The following TTC29 variants were observed in gnomAD, a reference collection of about 807,000 sequenced individuals.
The protein encoded by TTC29 is tetratricopeptide repeat protein 29.
TTC29 carries 49 observed loss-of-function variants against 58.1 expected under a neutral mutation model. The observed-to-expected ratio is 0.84, with a 90% CI of 0.67 to 1.07. The LOEUF (loss-of-function observed/expected upper bound fraction) is 1.07. TTC29 is among the 50% of genes least tolerant of loss of function. The pLI is 0.00. For missense variants in TTC29, 582 were observed against 555.6 expected (o/e 1.05, Z -0.48); for synonymous variants, 209 against 196.8 (o/e 1.06, Z -0.52).
Position 146,867,529 on chromosome 4 carries a change from A to T in TTC29, c.854T>A (p.Leu285Ter). The T allele has an allele frequency of 1.9e-6, 3 of 1,553,594 alleles. No homozygotes were observed. The highest frequency in any genetic ancestry group is 2.6e-6 in the Non-Finnish European group (3 of 1,148,080). ...TGCTGTTTCATATTCCTCAGCAGCT[A>T]AGTGTGCTAAGCCCAAGTAGTAAGA... The part of the protein sequence containing the change: ...EASYYLGLAH[L>*]AAEEYETALT... The change falls in exon 8 of 13, where the codon TTA becomes TAA. Residue 285 changes from leucine to a stop codon, truncating the protein, a stop_gained. Transcript: ENST00000325106. LOFTEE classifies it high-confidence loss of function.
intron 11 of TTC29, among the ~76,000 whole-genome samples, chr4:146,728,858 C>CATATATATATGTATATATAT (rs1344862897): frequency 4.9e-5 from 2 of 41,190 alleles, no homozygotes; most frequent in Non-Finnish European, 1.2e-4. Context: ...TATATATATA[C>CATATATATATGTATATATAT]ACATATATAT....
rs556842928 is a variant in TTC29 at position 146,851,175 on chromosome 4, T to C, written c.885+16323A>G. On this transcript the variant is annotated intron_variant, in intron 8 of 12. Transcript: ENST00000325106. The stretch of plus-strand genomic sequence containing the variant: ...TAACATTTATTGAGGAAGTAGCATA[T>C]GCCAGACATAGGTCTAAGTGCTTTC... Among the ~76,000 whole-genome samples, 261 of 152,350 alleles carry C rather than the reference T, an allele frequency of 1.7e-3. 2 individuals carry two copies. Among genetic ancestry groups the C allele is most frequent in the Middle Eastern group, 3.4e-3 (1 of 294 alleles).
chr4:146,937,544 G>T, intron 4 of TTC29, 50 bp downstream of exon 4: 3 of 1,194,024 alleles, frequency 2.5e-6, no homozygotes, highest in South Asian at 1.5e-5. Context: ...AAAGAATCAA[G>T]ACAAAAGAAA....
chr4:146,889,750 G>A (rs558394389), intron 6 of TTC29, among the ~76,000 whole-genome samples: 25 of 151,758 alleles, frequency 1.6e-4, no homozygotes, highest in African/African-American at 5.8e-4. Flanking sequence ...TACCTTTTTT[G>A]GAGAACTGAA....
At chr4:146,931,286 GAT>G (rs1735319771) in intron 4 of TTC29, among the ~76,000 whole-genome samples, 1 of 151,986 alleles carries the variant, frequency 6.6e-6, no homozygotes, top group Non-Finnish European at 1.5e-5. Context: ...CGAAGCAAAA[GAT>G]ATAACTATAC....
In TTC29 at chr4:146,867,560, C is replaced by A; in HGVS notation, c.823G>T (p.Glu275Ter). The stretch of plus-strand genomic sequence containing the variant: ...GCTAAGCCCAAGTAGTAAGAGGCTT[C>A]CGCTTCCATCTTTTTGTCACTTCCT... ...KEGSDKKMEAEASYYLGLAHL... is the reference protein window; with the variant it reads ...KEGSDKKMEA The change falls in exon 8 of 13, where the codon GAA becomes TAA. Residue 275 changes from glutamate to a stop codon, truncating the protein, a stop_gained. Coordinates refer to ENST00000325106, the MANE Select transcript of TTC29 (RefSeq NM_031956.4). LOFTEE classifies it high-confidence loss of function. 2 of 1,535,412 alleles carry A rather than the reference C, an allele frequency of 1.3e-6. No homozygotes were observed. The highest frequency in any genetic ancestry group is 2.0e-5 in the Admixed American group (1 of 50,922).
At chr4:146,906,663 T>C (rs1271086226) in intron 5 of TTC29, among the ~76,000 whole-genome samples, 3 of 152,198 alleles carry the variant, frequency 2.0e-5, no homozygotes, top group Non-Finnish European at 4.4e-5. Context: ...GAAAAAAAAT[T>C]ATAACAATTT....
At chr4:146,937,333 T>C (rs1238650815) in intron 4 of TTC29, among the ~76,000 whole-genome samples, 4 of 152,054 alleles carry the variant, frequency 2.6e-5, no homozygotes, top group Admixed American at 6.5e-5. Context: ...AAGCAATTAA[T>C]AGCACAGACT....
At chr4:146,817,135 T>C (rs1443009865) in intron 10 of TTC29, among the ~76,000 whole-genome samples, 1 of 152,146 alleles carries the variant, frequency 6.6e-6, no homozygotes, top group African/African-American at 2.4e-5. Context: ...AAAGAGGAAG[T>C]CAAATTGTCT....
At chr4:146,751,648 A>T (rs1211072044) in intron 11 of TTC29, among the ~76,000 whole-genome samples, 1 of 152,230 alleles carries the variant, frequency 6.6e-6, no homozygotes, top group African/African-American at 2.4e-5. Flanking sequence ...CCAAAAACAG[A>T]CAAATGAAAA....
At chr4:146,806,841 T>C (rs1308690242) in intron 10 of TTC29, among the ~76,000 whole-genome samples, 3 of 151,696 alleles carry the variant, frequency 2.0e-5, no homozygotes. Flanking sequence ...AGACAGAAAA[T>C]TAACAAAGAT....
intron 2 of TTC29, among the ~76,000 whole-genome samples, chr4:146,941,993 G>T (rs914962602): frequency 1.3e-5 from 2 of 152,342 alleles, no homozygotes; most frequent in East Asian, 1.9e-4. Context: ...CATGGTGGAG[G>T]TAGGGGTGCA....
At chr4:146,727,236 G>A (rs1246234243) in intron 11 of TTC29, among the ~76,000 whole-genome samples, 1 of 152,016 alleles carries the variant, frequency 6.6e-6, no homozygotes, top group East Asian at 1.9e-4. Context: ...TCGGTTTACA[G>A]CAAAACTGAG....
chr4:146,898,180 G>A (rs1057454319), intron 6 of TTC29, among the ~76,000 whole-genome samples: 2 of 152,200 alleles, frequency 1.3e-5, no homozygotes, highest in Non-Finnish European at 2.9e-5. Context: ...ACAGGGATAA[G>A]TGGACTCCCA....
At chr4:146,716,747 C>G (rs1348673633) in intron 11 of TTC29, among the ~76,000 whole-genome samples, 1 of 152,082 alleles carries the variant, frequency 6.6e-6, no homozygotes, top group Non-Finnish European at 1.5e-5. Flanking sequence ...CTAGAAATAA[C>G]ATCTCTGAAA....
chr4:146,796,381 T>C (rs1487503094), intron 11 of TTC29, among the ~76,000 whole-genome samples: 2 of 152,196 alleles, frequency 1.3e-5, no homozygotes, highest in African/African-American at 4.8e-5. Flanking sequence ...AGAGATCATG[T>C]AGTCTAATCA....
chr4:146,724,376 A>G (rs1465915592), intron 11 of TTC29, among the ~76,000 whole-genome samples: 2 of 152,164 alleles, frequency 1.3e-5, no homozygotes, highest in African/African-American at 4.8e-5. Flanking sequence ...ATCTAAAATA[A>G]AAGTTGAAAT....
At chr4:146,796,970 C>G (rs1044734554) in intron 11 of TTC29, among the ~76,000 whole-genome samples, 1 of 152,030 alleles carries the variant, frequency 6.6e-6, no homozygotes, top group Non-Finnish European at 1.5e-5. Flanking sequence ...TATCACCCAC[C>G]CTTAGCCAGG....
At position 146,874,833 on chromosome 4, in the gene TTC29, A is replaced by G. The variant is rs1731152480; in HGVS notation, c.682T>C (p.Leu228=). ...KDETGRSLNL[L]ACESLLRTYR... ...GTCCTCAGGAGACTCTCACAGGCCA[A>G]CAAGTTGAGAGAGCGGCCTGTCTCA... The change falls in exon 7 of 13, where the codon TTG becomes CTG. Residue 228 remains leucine, a synonymous_variant. Coordinates refer to ENST00000325106, the MANE Select transcript of TTC29 (RefSeq NM_031956.4). The G allele has an allele frequency of 1.2e-6, 2 of 1,613,216 alleles. No homozygotes were observed. The highest frequency in any genetic ancestry group is 2.7e-5 in the African/African-American group (2 of 74,916).
Sources: allele counts gnomAD v4.1 joint callset (sites outside exome capture counted in the v4.1 genomes callset), GRCh38; gene constraint gnomAD v4.1.1; transcripts MANE v1.5; gene names NCBI Gene and HGNC (gene_info 2026-07-23, HGNC 2026-07-21).